GATB: variants seen among roughly 807,000 people sequenced by gnomAD.
The protein encoded by GATB is glutamyl-tRNA(Gln) amidotransferase subunit B, mitochondrial.
GATB carries 39 observed loss-of-function variants against 62.3 expected under a neutral mutation model. The ratio of observed to expected loss-of-function variants is 0.63; its 90% CI spans 0.48 to 0.82. The LOEUF is 0.82. GATB is among the 40% of genes least tolerant of loss of function. GATB has a pLI of 0.00. For missense variants in GATB, 670 were observed against 684.0 expected (o/e 0.98, Z 0.23); for synonymous variants, 276 against 258.9 (o/e 1.07, Z -0.63).
chr4:151,744,922 T>G (rs1003788492), intron 2 of GATB, among the ~76,000 whole-genome samples: 12 of 152,180 alleles, frequency 7.9e-5, no homozygotes, highest in African/African-American at 2.9e-4. Context: ...CATTCCACAT[T>G]TGTGGGTATG....
At chr4:151,719,262 G>A (rs183205000) in intron 3 of GATB, among the ~76,000 whole-genome samples, 163 bp downstream of exon 3, 189 of 152,334 alleles carry the variant, frequency 1.2e-3, no homozygotes, top group African/African-American at 4.3e-3. Flanking sequence ...ACCATCAGGG[G>A]CACCTGCCTG....
intron 9 of GATB, 39 bp downstream of exon 9, chr4:151,701,290 G>C: frequency 1.4e-6 from 2 of 1,470,010 alleles, no homozygotes; most frequent in Non-Finnish European, 1.8e-6. Context: ...TGCCCCATCT[G>C]CTGAGCCGGG....
intron 5 of GATB, among the ~76,000 whole-genome samples, chr4:151,708,527 C>T (rs536681951): frequency 1.3e-5 from 2 of 152,222 alleles, no homozygotes; most frequent in South Asian, 4.1e-4. Context: ...TATCTGATAA[C>T]CCTACACTGC....
rs141777418 is a variant in GATB at position 151,672,828 on chromosome 4, T to A, written c.1479A>T (p.Glu493Asp). Residue 493 changes from glutamate (E) to aspartate (D), a missense_variant, in exon 12 of 13, where the codon GAA becomes GAT. By Grantham distance (45) the Glu-to-Asp change is conservative (BLOSUM62 2). Coordinates refer to ENST00000263985, the MANE Select transcript of GATB (RefSeq NM_004564.3). Reference sequence around the variant, plus strand: ...CCAGTGCCCCCTGGTCCTGCATCAGTTCAAGCTGCTTTTCTGAAACAATCT... The same window carrying A: ...CCAGTGCCCCCTGGTCCTGCATCAGATCAAGCTGCTTTTCTGAAACAATCT... ...PGQIVSEKQLELMQDQGALEQ... is the reference protein window; with the variant it reads ...PGQIVSEKQLDLMQDQGALEQ... The A allele has an allele frequency of 3.0e-5, 49 of 1,614,030 alleles. No individual in the cohort carries two copies. Among genetic ancestry groups the A allele is most frequent in the Middle Eastern group, 1.6e-4 (1 of 6,084 alleles).
intron 5 of GATB, among the ~76,000 whole-genome samples, 158 bp from the exon 6 acceptor site, chr4:151,708,259 G>A (rs1738753473): frequency 1.3e-5 from 2 of 152,228 alleles, no homozygotes; most frequent in South Asian, 2.1e-4. Context: ...GAAGTAGGTC[G>A]TGGCTGGTAC....
chr4:151,692,773 C>T (rs1246982478), intron 9 of GATB, among the ~76,000 whole-genome samples: 1 of 152,212 alleles, frequency 6.6e-6, no homozygotes, highest in African/African-American at 2.4e-5. Flanking sequence ...CTGAACAAGA[C>T]AAATCTTGTT....
intron 10 of GATB, 148 bp from the exon 11 acceptor site, chr4:151,680,039 C>CT (rs1738104475): frequency 1.6e-6 from 1 of 628,012 alleles, no homozygotes; most frequent in Non-Finnish European, 2.8e-6. Flanking sequence ...ACTGGGCTCT[C>CT]TTTTATTTTA....
At chr4:151,702,919 GAGGAA>G (rs1377183822) in intron 8 of GATB, among the ~76,000 whole-genome samples, 5 of 152,292 alleles carry the variant, frequency 3.3e-5, no homozygotes, top group Admixed American at 3.3e-4. Context: ...CTGAGGGCAA[GAGGAA>G]ACCCAGGGGA....
intron 11 of GATB, chr4:151,675,274 A>G (rs1737974342): frequency 6.6e-6 from 1 of 152,194 alleles, no homozygotes; most frequent in Admixed American, 6.5e-5. Flanking sequence ...CTCCTGGAAC[A>G]CATGGGAGCC....
intron 2 of GATB, chr4:151,721,308 C>T (rs1430210840): frequency 1.3e-5 from 2 of 152,170 alleles, no homozygotes; most frequent in African/African-American, 2.4e-5. Context: ...ACATCACACC[C>T]TTATTTTTCA....
At chr4:151,725,145 C>G (rs1471512518) in intron 2 of GATB, among the ~76,000 whole-genome samples, 1 of 152,240 alleles carries the variant, frequency 6.6e-6, no homozygotes, top group African/African-American at 2.4e-5. Context: ...ACACTAGAAG[C>G]TGGAGCCATG....
At chr4:151,701,116 G>A (rs1021401668) in intron 9 of GATB, among the ~76,000 whole-genome samples, 8 of 152,146 alleles carry the variant, frequency 5.3e-5, no homozygotes, top group Admixed American at 3.3e-4. Flanking sequence ...ACAAGATTGC[G>A]TTTCATCTTC....
intron 9 of GATB, among the ~76,000 whole-genome samples, chr4:151,695,160 T>C (rs528449252): frequency 7.9e-5 from 12 of 152,296 alleles, no homozygotes; most frequent in African/African-American, 2.6e-4. Context: ...CTTTCGTGGC[T>C]CTCAATGAAC....
At chr4:151,736,410 T>C (rs977116169) in intron 2 of GATB, among the ~76,000 whole-genome samples, 1 of 152,234 alleles carries the variant, frequency 6.6e-6, no homozygotes, top group Non-Finnish European at 1.5e-5. Flanking sequence ...GTGTGTCTTA[T>C]TTTCTATCAG....
At chr4:151,755,899 A>T (rs1465842434) in intron 2 of GATB, among the ~76,000 whole-genome samples, 1 of 152,252 alleles carries the variant, frequency 6.6e-6, no homozygotes, top group African/African-American at 2.4e-5. Flanking sequence ...ATGTTTATGA[A>T]TCATTCAGAT....
intron 9 of GATB, among the ~76,000 whole-genome samples, chr4:151,688,998 A>G (rs1738310025): frequency 6.6e-6 from 1 of 152,224 alleles, no homozygotes; most frequent in South Asian, 2.1e-4. Context: ...CACATTTTAG[A>G]GAGCCCTGAC....
At chr4:151,688,105 G>C (rs1339150233) in intron 10 of GATB, among the ~76,000 whole-genome samples, 1 of 152,166 alleles carries the variant, frequency 6.6e-6, no homozygotes, top group Non-Finnish European at 1.5e-5. Flanking sequence ...GCGTTCCTGA[G>C]CCTGCTGTGC....
intron 2 of GATB, among the ~76,000 whole-genome samples, chr4:151,748,795 A>T (rs1739656064): frequency 6.6e-6 from 1 of 152,230 alleles, no homozygotes; most frequent in Admixed American, 6.5e-5. Context: ...GAATCTACAA[A>T]GAACTCAAAC....
chr4:151,749,746 C>T (rs1739675826), intron 2 of GATB, among the ~76,000 whole-genome samples: 1 of 152,174 alleles, frequency 6.6e-6, no homozygotes, highest in African/African-American at 2.4e-5. Flanking sequence ...AGCAGAGGGA[C>T]ACATCTTCCC....
Sources: allele counts gnomAD v4.1 joint callset (sites outside exome capture counted in the v4.1 genomes callset), GRCh38; gene constraint gnomAD v4.1.1; transcripts MANE v1.5; gene names NCBI Gene and HGNC (gene_info 2026-07-23, HGNC 2026-07-21).